The following GPC6 variants were observed in gnomAD, a reference collection of about 807,000 sequenced individuals.
The protein encoded by GPC6 is glypican-6.
A neutral mutation model predicts 55.2 loss-of-function variants in GPC6; 14 were observed. The observed-to-expected ratio is 0.25, with a 90% CI of 0.17 to 0.40. GPC6 has a LOEUF of 0.40. GPC6 is among the 10% of genes least tolerant of loss of function. The probability of loss-of-function intolerance (pLI) is 1.00; values close to 1 mark genes in which losing one functional copy is unlikely to be tolerated. For missense variants in GPC6, 641 were observed against 708.5 expected (o/e 0.90, Z 1.08); for synonymous variants, 278 against 259.6 (o/e 1.07, Z -0.68).
intron 1 of GPC6, among the ~76,000 whole-genome samples, chr13:93,419,126 A>G (rs1876827411): frequency 6.6e-6 from 1 of 150,510 alleles, no homozygotes; most frequent in Non-Finnish European, 1.5e-5. Flanking sequence ...TACATATTTT[A>G]GGAAATCTGA....
At chr13:93,854,458 G>T (rs920221478) in intron 3 of GPC6, among the ~76,000 whole-genome samples, 1 of 151,498 alleles carries the variant, frequency 6.6e-6, no homozygotes, top group Non-Finnish European at 1.5e-5. Flanking sequence ...AATCACACTT[G>T]TTTCTTAATA....
At chr13:93,825,866 T>C (rs866329476) in intron 2 of GPC6, among the ~76,000 whole-genome samples, 71 of 145,696 alleles carry the variant, frequency 4.9e-4, no homozygotes, top group African/African-American at 1.7e-3. Flanking sequence ...TTTTCTTTTT[T>C]TTTTTTTTTT....
chr13:93,907,804 A>G (rs904939249), intron 3 of GPC6, among the ~76,000 whole-genome samples: 3 of 152,144 alleles, frequency 2.0e-5, no homozygotes, highest in Non-Finnish European at 4.4e-5. Flanking sequence ...CTGTTTAATC[A>G]TATTAGTTAT....
intron 3 of GPC6, among the ~76,000 whole-genome samples, chr13:93,850,904 A>G (rs947498165): frequency 6.6e-6 from 1 of 152,000 alleles, no homozygotes; most frequent in Non-Finnish European, 1.5e-5. Context: ...AAACTGAAGT[A>G]TAGTTTCAGG....
At chr13:94,280,828 A>G (rs1035604068) in intron 4 of GPC6, among the ~76,000 whole-genome samples, 3 of 152,138 alleles carry the variant, frequency 2.0e-5, no homozygotes, top group African/African-American at 7.2e-5. Flanking sequence ...TGATACAACA[A>G]TAAGGTAGAT....
intron 3 of GPC6, among the ~76,000 whole-genome samples, chr13:93,895,234 GTATA>G (rs60375718): frequency 0.02 from 2,178 of 108,058 alleles, 117 homozygotes; most frequent in South Asian, 0.064. Flanking sequence ...GTGTGTGTGT[GTATA>G]TATATATATA....
chr13:94,023,486 A>T (rs1254887629), intron 3 of GPC6, among the ~76,000 whole-genome samples: 1 of 152,028 alleles, frequency 6.6e-6, no homozygotes, highest in Non-Finnish European at 1.5e-5. Context: ...ACACTGTAAA[A>T]ATTTGGATAA....
chr13:94,343,503 T>C (rs1802502475), intron 6 of GPC6, among the ~76,000 whole-genome samples: 1 of 152,188 alleles, frequency 6.6e-6, no homozygotes, highest in Admixed American at 6.5e-5. Context: ...ACTCATGCTG[T>C]TCCTTTCACG....
At position 93,464,982 on chromosome 13, in the gene GPC6, T is replaced by G. The variant is rs560557942; in HGVS notation, c.161-80281T>G. On this transcript the variant is annotated intron_variant, in intron 1 of 8. Coordinates refer to ENST00000377047, the MANE Select transcript of GPC6 (RefSeq NM_005708.5). ...TCTCTGTCCACCTCCATCAAAACTC[T>G]TGGGAGACCAGGTGAATTGTCAATG... 1.4e-4 allele frequency among the ~76,000 whole-genome samples: 21 copies of G among 152,338 alleles called. No homozygotes were observed. The South Asian group carries it at 2.1e-3, about 15-fold the overall frequency.
intron 3 of GPC6, among the ~76,000 whole-genome samples, chr13:94,019,950 T>A (rs547118179): frequency 1.8e-4 from 28 of 152,324 alleles, no homozygotes; most frequent in African/African-American, 6.3e-4. Context: ...ATTTGGTTGA[T>A]CTTTTCAAAG....
rs138250008 is a variant in GPC6 at position 94,269,026 on chromosome 13, T to C, written c.878-17323T>C. Among the ~76,000 whole-genome samples the C allele has an allele frequency of 4.0e-3, 604 of 152,258 alleles. 4 individuals carry two copies. The highest frequency in any genetic ancestry group is 6.1e-3 in the Non-Finnish European group (418 of 68,022). ...TACAGAACCTCTCACTCCATTAAGC[T>C]TGTTTTATTTTTATTTTTTTCAAAA... On this transcript the variant is annotated intron_variant, in intron 4 of 8. Coordinates refer to ENST00000377047, the MANE Select transcript of GPC6 (RefSeq NM_005708.5).
chr13:93,350,261 C>A (rs2139163090), intron 1 of GPC6, among the ~76,000 whole-genome samples: 1 of 152,110 alleles, frequency 6.6e-6, no homozygotes, highest in East Asian at 1.9e-4. Flanking sequence ...ATGGTGAAAC[C>A]CCATCTCTAC....
intron 3 of GPC6, among the ~76,000 whole-genome samples, chr13:93,894,776 T>C (rs1355214506): frequency 6.6e-6 from 1 of 152,034 alleles, no homozygotes; most frequent in Non-Finnish European, 1.5e-5. Context: ...GTCACCAATT[T>C]ATATTAATGC....
intron 1 of GPC6, among the ~76,000 whole-genome samples, chr13:93,305,053 C>T (rs1236843251): frequency 6.6e-6 from 1 of 152,148 alleles, no homozygotes; most frequent in Non-Finnish European, 1.5e-5. Context: ...GCAGCTGGAG[C>T]AGGTGATGGT....
chr13:93,246,151 C>T (rs1283932418), intron 1 of GPC6, among the ~76,000 whole-genome samples: 1 of 152,128 alleles, frequency 6.6e-6, no homozygotes, highest in Non-Finnish European at 1.5e-5. Context: ...CTAGCCATTT[C>T]CCCTGACTTT....
In GPC6 at chr13:93,817,679, C is replaced by A. The variant is rs9589846; in HGVS notation, c.320-12475C>A. ...TTCCAGATCAGCCTGGGCAACATGG[C>A]AAAACACCATCTCTGCAAAAAATAC... On this transcript the variant is annotated intron_variant, in intron 2 of 8. Transcript: ENST00000377047. 6.5e-3 allele frequency among the ~76,000 whole-genome samples: 986 copies of A among 151,938 alleles called. 15 individuals carry two copies. The highest frequency in any genetic ancestry group is 0.023 in the African/African-American group (947 of 41,440).
chr13:93,862,493 A>G (rs2139027885), intron 3 of GPC6, among the ~76,000 whole-genome samples: 1 of 151,708 alleles, frequency 6.6e-6, no homozygotes, highest in East Asian at 2.0e-4. Flanking sequence ...GGATTACATA[A>G]AAGGAGGAGG....
At chr13:93,674,985 G>A (rs563588389) in intron 2 of GPC6, among the ~76,000 whole-genome samples, 4 of 152,256 alleles carry the variant, frequency 2.6e-5, no homozygotes, top group Admixed American at 2.6e-4. Context: ...AAACTCAAAT[G>A]CAAAGGCTGC....
At chr13:94,072,500 C>T (rs898486945) in intron 4 of GPC6, among the ~76,000 whole-genome samples, 26 of 152,240 alleles carry the variant, frequency 1.7e-4, no homozygotes, top group Non-Finnish European at 2.8e-4. Flanking sequence ...ACTACAGGCA[C>T]GTGCTGCCAC....
Sources: gnomAD v4.1 joint callset for allele counts (sites outside exome capture counted in the v4.1 genomes callset) on GRCh38, gnomAD v4.1.1 for gene constraint, MANE v1.5 for transcripts, NCBI Gene and HGNC (gene_info 2026-07-23, HGNC 2026-07-21) for gene names.